The following WDR36 variants were observed in gnomAD, a reference collection of about 807,000 sequenced individuals.
The protein encoded by WDR36 is WD repeat-containing protein 36.
A neutral mutation model predicts 112.7 loss-of-function variants in WDR36; 63 were observed. That is an observed-to-expected ratio of 0.56 (90% CI 0.46 to 0.69). The LOEUF is 0.69. Ranked by LOEUF, WDR36 falls within the 30% of genes least tolerant of loss-of-function variation. WDR36 has a pLI of 0.00. For missense variants in WDR36, 1,226 were observed against 1,070.3 expected (o/e 1.15, Z -2.03); for synonymous variants, 410 against 362.2 (o/e 1.13, Z -1.50).
At position 111,126,914 on chromosome 5, in the gene WDR36, A is replaced by T; in HGVS notation, c.*31A>T. Reference sequence around the variant, plus strand: ...AATTTGTGACTAAACAAAGACTTTCATATTAAATGGGTTCAATTGAACTCA... The same window carrying T: ...AATTTGTGACTAAACAAAGACTTTCTTATTAAATGGGTTCAATTGAACTCA... On this transcript the variant is annotated 3_prime_UTR_variant, in exon 23 of 23. Transcript: ENST00000513710. The T allele has an allele frequency of 6.4e-7, 1 of 1,550,512 alleles. No homozygotes were observed. Among genetic ancestry groups the T allele is most frequent in the Middle Eastern group, 1.9e-4 (1 of 5,368 alleles).
At chr5:111,097,413 A>G (rs1753016176) in intron 3 of WDR36, among the ~76,000 whole-genome samples, 1 of 152,118 alleles carries the variant, frequency 6.6e-6, no homozygotes, top group South Asian at 2.1e-4. Flanking sequence ...TTACTTGGAG[A>G]CCTTCTTCAA....
At chr5:111,111,100 A>G in intron 14 of WDR36, 70 bp from the exon 15 acceptor site, 1 of 1,569,556 alleles carries the variant, frequency 6.4e-7, no homozygotes, top group Non-Finnish European at 8.8e-7. Flanking sequence ...ATTTAACAAA[A>G]TTCAAGTGGA....
Position 111,126,991 on chromosome 5 carries a change from T to C in WDR36, c.*108T>C. 9.2e-7 allele frequency: 1 copy of C among 1,084,802 alleles called. No homozygotes were observed. The highest frequency in any genetic ancestry group is 1.3e-6 in the Non-Finnish European group (1 of 765,006). 67.2% of individuals were successfully genotyped at this position (1,084,802 alleles called of 1,614,324 possible). A position where few individuals can be genotyped will look rare whatever the true frequency, so the allele number is the denominator to read the frequency against. On this transcript the variant is annotated 3_prime_UTR_variant, in exon 23 of 23. Coordinates refer to ENST00000513710, the MANE Select transcript of WDR36 (RefSeq NM_139281.3). ...AAAAGAAAATAAATGCTAGCACTAC[T>C]GACTAGTCAGTATATCTCCACTTTA...
rs1753763458 is a variant in WDR36, at chr5:111,130,232, C to T, written c.*3349C>T. 2 of 203,996 alleles carry T rather than the reference C, an allele frequency of 9.8e-6. No homozygotes were observed. Among genetic ancestry groups the T allele is most frequent in the Non-Finnish European group, 2.0e-5 (2 of 99,168 alleles). The allele number at this position is 203,996 out of a possible 1,614,324, so 12.6% of individuals were successfully genotyped here. On this transcript the variant is annotated 3_prime_UTR_variant, in exon 23 of 23. Coordinates refer to ENST00000513710, the MANE Select transcript of WDR36 (RefSeq NM_139281.3). The stretch of plus-strand genomic sequence containing the variant: ...TGGATACCAAAATCCAAGCAATGCC[C>T]TGCAGATCATGGGACCTATGCATAT...
chr5:111,099,413 T>C (rs902024662), intron 4 of WDR36, among the ~76,000 whole-genome samples: 7 of 151,306 alleles, frequency 4.6e-5, no homozygotes, highest in Non-Finnish European at 1.0e-4. Flanking sequence ...TTTAATCTGG[T>C]TACATTTTTA....
At chr5:111,092,669 C>CT (rs1752891347) in intron 1 of WDR36, 51 bp downstream of exon 1, 3 of 1,569,736 alleles carry the variant, frequency 1.9e-6, no homozygotes, top group Middle Eastern at 1.7e-4. Flanking sequence ...TCCTTGGCCT[C>CT]TAACTCTGTC....
At chr5:111,098,194 C>G (rs77630959) in intron 3 of WDR36, among the ~76,000 whole-genome samples, 2 of 152,100 alleles carry the variant, frequency 1.3e-5, no homozygotes, top group Admixed American at 1.3e-4. Context: ...AACAGTGTTA[C>G]TGGAATCTAG....
intron 6 of WDR36, among the ~76,000 whole-genome samples, chr5:111,102,768 A>T (rs1753146770): frequency 6.6e-6 from 1 of 151,630 alleles, no homozygotes; most frequent in Non-Finnish European, 1.5e-5. Flanking sequence ...AGATGTTGAG[A>T]TTTATGGTTT....
At chr5:111,112,924 T>C (rs1443864694) in intron 15 of WDR36, 150 bp from the exon 16 acceptor site, 1 of 184,252 alleles carries the variant, frequency 5.4e-6, no homozygotes, top group African/African-American at 2.4e-5. Context: ...GTCAAATTAA[T>C]TTTTTTATGA....
chr5:111,123,345 T>C (rs532555228), intron 19 of WDR36, among the ~76,000 whole-genome samples: 5 of 152,352 alleles, frequency 3.3e-5, no homozygotes, highest in South Asian at 2.1e-4. Flanking sequence ...AAATTACTTA[T>C]AATGTCAGTC....
In WDR36 at chr5:111,102,404, G is replaced by C; in HGVS notation, c.597+5G>C. On this transcript the variant is annotated splice_donor_5th_base_variant and intron_variant, in intron 6 of 22. Transcript: ENST00000513710. ...GGAGTGACAGCTCTTCAGCAGGTTAGTATTTTTCTGTTAAGTCAAAGAGGA... is the reference window on the plus strand; with the variant it reads ...GGAGTGACAGCTCTTCAGCAGGTTACTATTTTTCTGTTAAGTCAAAGAGGA... The C allele has an allele frequency of 1.2e-6, 2 of 1,609,894 alleles. No homozygotes were observed. The highest frequency in any genetic ancestry group is 2.2e-5 in the East Asian group (1 of 44,680).
Position 111,103,794 on chromosome 5 carries a change from C to T in WDR36, c.606C>T (p.Ala202=), listed in dbSNP as rs774244948. ...VGVTALQQAP[A]VDVVAIGLMS... ...AATAATTTAATTTTTAGGCACCAGC[C>T]GTGGATGTTGTTGCTATTGGTCTTA... Residue 202 remains alanine (A), a synonymous_variant, in exon 7 of 23, where the codon GCC becomes GCT. Coordinates refer to ENST00000513710, the MANE Select transcript of WDR36 (RefSeq NM_139281.3). 15 of 1,610,600 alleles carry T rather than the reference C, an allele frequency of 9.3e-6. No individual in the cohort carries two copies. The African/African-American group carries it at 1.2e-4, about 13-fold the overall frequency.
At chr5:111,111,147 A>C in intron 14 of WDR36, 23 bp from the exon 15 acceptor site, 2 of 1,606,820 alleles carry the variant, frequency 1.2e-6, no homozygotes, top group Non-Finnish European at 1.7e-6. Context: ...TGTTTATTAA[A>C]ACTGGTGCAT....
chr5:111,114,874 T>G (rs1483264595), intron 16 of WDR36, among the ~76,000 whole-genome samples: 1 of 152,156 alleles, frequency 6.6e-6, no homozygotes. Context: ...TAGTTTATAT[T>G]AGTGAGAGAG....
chr5:111,104,352 G>C lies in WDR36; in HGVS notation c.906G>C (p.Arg302Ser). The C allele has an allele frequency of 6.2e-7, 1 of 1,611,494 alleles. No individual in the cohort carries two copies. The highest frequency in any genetic ancestry group is 1.7e-5 in the Admixed American group (1 of 59,812). ...CAAATGGCGCTGACAATGCTCTTAG[G>C]GTATTATGATTATTGTTAACATCTT... ...LVTNGADNAL[R>S]IWIFDGPTGE... is the part of the protein sequence containing the mutation. Residue 302 changes from arginine to serine, a missense_variant and splice_region_variant, in exon 8 of 23, where the codon AGG becomes AGC. Transcript: ENST00000513710.
In WDR36 at chr5:111,097,143, T is replaced by C. The variant is rs17132775; in HGVS notation, c.255T>C (p.Tyr85=). 7.9e-3 allele frequency: 12,745 copies of C among 1,613,718 alleles called. 868 individuals are homozygous for C. The African/African-American group carries it at 0.15, about 19-fold the overall frequency. The change falls in exon 3 of 23, where the codon TAT becomes TAC. Residue 85 remains tyrosine, a synonymous_variant. Transcript: ENST00000513710. ...AADGRLVFAA[Y]GNVFSAFARN... ...ATGGCAGATTAGTCTTTGCTGCTTA[T>C]GGAAATGTTTTCTCTGCATTTGCCC...
intron 7 of WDR36, 44 bp from the exon 8 acceptor site, chr5:111,104,133 G>T (rs1311826268): frequency 6.5e-7 from 1 of 1,542,654 alleles, no homozygotes; most frequent in Admixed American, 1.8e-5. Context: ...TTATTTTGGG[G>T]GATCTAGAAG....
At position 111,120,550 on chromosome 5, in the gene WDR36, T is replaced by C; in HGVS notation, c.1959T>C (p.Tyr653=). 1 of 1,613,230 alleles carries C rather than the reference T, an allele frequency of 6.2e-7. No homozygotes were observed. The highest frequency in any genetic ancestry group is 1.3e-5 in the African/African-American group (1 of 75,012). Residue 653 remains tyrosine, a synonymous_variant, in exon 18 of 23, where the codon TAT becomes TAC. Coordinates refer to ENST00000513710, the MANE Select transcript of WDR36 (RefSeq NM_139281.3). ...CATTACGGCCACTTCCTGCAGATTA[T>C]GTCCCTTCAATAGTCATGCTTCCTG... ...VVSLRPLPAD[Y]VPSIVMLPGT... is the part of the protein sequence containing the mutation.
chr5:111,104,078 T>G (rs1448305098), intron 7 of WDR36, 99 bp from the exon 8 acceptor site: 2 of 1,408,026 alleles, frequency 1.4e-6, no homozygotes, highest in Non-Finnish European at 1.9e-6. Flanking sequence ...TATATAGTTT[T>G]TTTCTAACTT....
Sources: gnomAD v4.1 joint callset for allele counts (sites outside exome capture counted in the v4.1 genomes callset) on GRCh38, gnomAD v4.1.1 for gene constraint, MANE v1.5 for transcripts, NCBI Gene and HGNC (gene_info 2026-07-23, HGNC 2026-07-21) for gene names.